The following CDYL variants were observed in gnomAD, a reference collection of about 807,000 sequenced individuals.
CDYL encodes chromodomain Y-like protein.
Under a neutral mutation model 47.3 loss-of-function variants are expected in CDYL, and 8 were observed. The ratio of observed to expected loss-of-function variants is 0.17; its 90% CI spans 0.10 to 0.31. CDYL has a LOEUF of 0.31. CDYL is among the 10% of genes least tolerant of loss of function. The pLI, the probability that CDYL is intolerant of heterozygous loss-of-function variation, is 1.00. For missense variants in CDYL, 471 were observed against 701.4 expected, an observed-to-expected ratio of 0.67 and a Z score of 3.71; for synonymous variants, 266 against 265.0, an observed-to-expected ratio of 1.00 and a Z score of -0.04.
intron 1 of CDYL, among the ~76,000 whole-genome samples, chr6:4,880,008 A>G (rs1761721664): frequency 6.6e-6 from 1 of 152,080 alleles, no homozygotes; most frequent in Admixed American, 6.5e-5. Context: ...CCAGAGTGAT[A>G]CAGCTGTTAC....
intron 2 of CDYL, among the ~76,000 whole-genome samples, chr6:4,904,912 C>T (rs772492103): frequency 6.6e-5 from 10 of 152,068 alleles, no homozygotes; most frequent in Non-Finnish European, 1.5e-4. Flanking sequence ...ATAATTATCA[C>T]AGAGTCCATG....
chr6:4,803,903 T>C (rs1759295229), intron 1 of CDYL, among the ~76,000 whole-genome samples: 1 of 152,014 alleles, frequency 6.6e-6, no homozygotes, highest in Non-Finnish European at 1.5e-5. Flanking sequence ...CCTTTGTCCT[T>C]ATATTGGTGG....
intron 1 of CDYL, among the ~76,000 whole-genome samples, chr6:4,783,033 A>G (rs1328823373): frequency 6.6e-6 from 1 of 152,216 alleles, no homozygotes; most frequent in Non-Finnish European, 1.5e-5. Flanking sequence ...CTGAACTCAC[A>G]TGCTACTGCT....
chr6:4,909,638 C>T (rs1240995517), intron 2 of CDYL, among the ~76,000 whole-genome samples: 2 of 152,278 alleles, frequency 1.3e-5, no homozygotes, highest in Non-Finnish European at 2.9e-5. Flanking sequence ...AGCACCATCT[C>T]AGCTTGCTAC....
At chr6:4,770,165 GTC>G (rs1447563905) in intron 3 of CDYL, among the ~76,000 whole-genome samples, 3 of 151,978 alleles carry the variant, frequency 2.0e-5, no homozygotes, top group Non-Finnish European at 4.4e-5. Flanking sequence ...ACAACTTAAT[GTC>G]TATCTATCCT....
At chr6:4,835,823 G>T (rs1157322610) in intron 1 of CDYL, among the ~76,000 whole-genome samples, 3 of 152,166 alleles carry the variant, frequency 2.0e-5, no homozygotes, top group Admixed American at 6.5e-5. Context: ...CTTGCAGTTT[G>T]ATCTCAGACT....
intron 5 of CDYL, among the ~76,000 whole-genome samples, chr6:4,947,766 A>G (rs1758568826): frequency 6.6e-6 from 1 of 152,166 alleles, no homozygotes; most frequent in Non-Finnish European, 1.5e-5. Context: ...AAGGGCAGAA[A>G]GGAAGCAGGA....
chr6:4,950,219 C>T (rs1758654650), intron 5 of CDYL, among the ~76,000 whole-genome samples: 1 of 152,126 alleles, frequency 6.6e-6, no homozygotes, highest in African/African-American at 2.4e-5. Context: ...ACAGCCAGGG[C>T]CCTGCAGGAA....
At chr6:4,812,336 T>G (rs1182315201) in intron 1 of CDYL, among the ~76,000 whole-genome samples, 2 of 152,190 alleles carry the variant, frequency 1.3e-5, no homozygotes, top group Admixed American at 6.5e-5. Context: ...TGAAGGACAT[T>G]AAGGTTGTCT....
chr6:4,900,803 A>G (rs866637039), intron 2 of CDYL, among the ~76,000 whole-genome samples: 1,146 of 77,484 alleles, frequency 0.015, 226 homozygotes, highest in African/African-American at 0.037. Flanking sequence ...ATATATATAT[A>G]TATATATATA....
At chr6:4,723,042 G>A (rs1372100711) in intron 2 of CDYL, among the ~76,000 whole-genome samples, 1 of 152,096 alleles carries the variant, frequency 6.6e-6, no homozygotes, top group Non-Finnish European at 1.5e-5. Flanking sequence ...TGTGTATAAA[G>A]TACAGGCAGC....
At chr6:4,944,892 G>T (rs1561723618) in intron 5 of CDYL, among the ~76,000 whole-genome samples, 1 of 152,166 alleles carries the variant, frequency 6.6e-6, no homozygotes, top group Non-Finnish European at 1.5e-5. Flanking sequence ...CCAACATGAA[G>T]CACTGAGGGG....
chr6:4,848,402 T>C lies in CDYL; in HGVS notation c.25-43311T>C, dbSNP rs943799007. ...TGTCAGAATTACCTATTATGTCCTTTCCTAGATAATCAATTTGGAAACAAT... is the reference window on the plus strand; with the variant it reads ...TGTCAGAATTACCTATTATGTCCTTCCCTAGATAATCAATTTGGAAACAAT... On this transcript the variant is annotated intron_variant, in intron 1 of 6. Coordinates refer to ENST00000397588, the MANE Select transcript of CDYL (RefSeq NM_004824.4). Among the ~76,000 whole-genome samples the C allele has an allele frequency of 2.6e-5, 4 of 152,332 alleles. No homozygotes were observed. The East Asian group carries it at 7.7e-4, about 29-fold the overall frequency.
chr6:4,745,037 C>A (rs72821438), intron 3 of CDYL, among the ~76,000 whole-genome samples: 6,718 of 152,258 alleles, frequency 0.044, 248 homozygotes, highest in Non-Finnish European at 0.064. Context: ...TAGCTCACTG[C>A]AGCCTCAGTC....
intron 3 of CDYL, among the ~76,000 whole-genome samples, chr6:4,737,441 T>G (rs1757723166): frequency 6.6e-6 from 1 of 151,664 alleles, no homozygotes; most frequent in African/African-American, 2.4e-5. Context: ...TCACCTGAGG[T>G]CAGGAGTTTG....
chr6:4,735,431 A>C lies in CDYL; in HGVS notation c.186+587A>C, dbSNP rs373037914. 9.8e-5 allele frequency among the ~76,000 whole-genome samples: 15 copies of C among 152,322 alleles called. No individual in the cohort carries two copies. The South Asian group carries it at 2.7e-3, about 27-fold the overall frequency. On this transcript the variant is annotated intron_variant, in intron 3 of 8. Transcript: ENST00000328908. ...CTAGTAATAATGCTTCTTTTTAAAA[A>C]AAATCACTTTATTAGGATATAATTG...
At chr6:4,938,370 A>C (rs1758265017) in intron 4 of CDYL, among the ~76,000 whole-genome samples, 1 of 152,174 alleles carries the variant, frequency 6.6e-6, no homozygotes. Context: ...CCCTCAAGGT[A>C]TCCAACATTC....
At chr6:4,838,859 G>T (rs1002739359) in intron 1 of CDYL, among the ~76,000 whole-genome samples, 2 of 152,068 alleles carry the variant, frequency 1.3e-5, no homozygotes, top group Non-Finnish European at 2.9e-5. Context: ...GCTAATTTTT[G>T]TATTTTTAGT....
chr6:4,951,500 A>C (rs1313304847), intron 5 of CDYL, among the ~76,000 whole-genome samples: 1 of 152,086 alleles, frequency 6.6e-6, no homozygotes, highest in Non-Finnish European at 1.5e-5. Context: ...CAAGGTTAAA[A>C]TTAATTTCAT....
Sources: gnomAD v4.1 joint callset for allele counts (sites outside exome capture counted in the v4.1 genomes callset) on GRCh38, gnomAD v4.1.1 for gene constraint, MANE v1.5 for transcripts, NCBI Gene and HGNC (gene_info 2026-07-23, HGNC 2026-07-21) for gene names.